PDE1A: variants seen among roughly 807,000 people sequenced by gnomAD.
The protein encoded by PDE1A is phosphodiesterase 1A.
In PDE1A, 35 loss-of-function variants were observed where a neutral mutation model predicts 61.7. That is an observed-to-expected ratio of 0.57 (90% CI 0.43 to 0.75). The LOEUF (loss-of-function observed/expected upper bound fraction) is 0.75, where lower values mean the gene tolerates loss of function less well. Among genes scored for constraint, PDE1A ranks in the 30% least tolerant of loss-of-function variants. The probability of loss-of-function intolerance (pLI) is 0.00; values close to 1 mark genes in which losing one functional copy is unlikely to be tolerated. For missense variants in PDE1A, 597 were observed against 630.6 expected, an observed-to-expected ratio of 0.95 and a Z score of 0.57; for synonymous variants, 232 against 213.2, an observed-to-expected ratio of 1.09 and a Z score of -0.77.
At chr2:182,426,428 A>T in intron 1 of PDE1A, 150 bp downstream of exon 1, 4 of 581,272 alleles carry the variant, frequency 6.9e-6, no homozygotes, top group Non-Finnish European at 1.2e-5. Context: ...ACAGAAAACA[A>T]AAAGGCTCCC....
At chr2:182,522,315 C>T (rs1323492567) in exon 2 of PDE1A, 3 of 1,613,656 alleles carry the variant, frequency 1.9e-6, no homozygotes, top group Non-Finnish European at 2.5e-6. Flanking sequence ...AGTCTGTTCT[C>T]CTGTAAGATA....
chr2:182,565,393 T>C, the PDE1A span, among the ~76,000 whole-genome samples: 1 of 152,174 alleles, frequency 6.6e-6, no homozygotes, highest in East Asian at 1.9e-4. Context: ...CAAATGCTGC[T>C]GTCTGATTGT....
chr2:182,687,360 A>G, the PDE1A span, among the ~76,000 whole-genome samples: 3 of 152,218 alleles, frequency 2.0e-5, no homozygotes, highest in Non-Finnish European at 2.9e-5. Flanking sequence ...TCAGACAGCA[A>G]CATTCGCTGT....
chr2:182,232,606 G>A (rs1412841799), intron 4 of PDE1A, among the ~76,000 whole-genome samples: 1 of 152,176 alleles, frequency 6.6e-6, no homozygotes, highest in African/African-American at 2.4e-5. Flanking sequence ...TTGCTTGTAT[G>A]TCGTTATTAA....
the PDE1A span, among the ~76,000 whole-genome samples, chr2:182,684,615 A>G: frequency 6.6e-6 from 1 of 152,128 alleles, no homozygotes; most frequent in East Asian, 1.9e-4. Flanking sequence ...CAGTGGCACA[A>G]TCTCAGCTCA....
chr2:182,472,541 A>G (rs1687093392), intron 2 of PDE1A, among the ~76,000 whole-genome samples: 1 of 151,874 alleles, frequency 6.6e-6, no homozygotes, highest in Non-Finnish European at 1.5e-5. Context: ...AATGGTGGAC[A>G]ATGAAGACTT....
chr2:182,222,651 A>T (rs906520733), intron 7 of PDE1A, among the ~76,000 whole-genome samples: 1 of 152,044 alleles, frequency 6.6e-6, no homozygotes, highest in Non-Finnish European at 1.5e-5. Flanking sequence ...AGGAGGAAGC[A>T]TATGGAACTC....
intron 2 of PDE1A, among the ~76,000 whole-genome samples, chr2:182,508,171 A>C (rs1440538411): frequency 6.6e-6 from 1 of 152,066 alleles, no homozygotes; most frequent in East Asian, 1.9e-4. Context: ...AAAATCATTC[A>C]ACAAAATTCA....
intron 6 of PDE1A, among the ~76,000 whole-genome samples, chr2:182,229,531 G>C (rs1689402458): frequency 6.6e-6 from 1 of 152,066 alleles, no homozygotes; most frequent in Non-Finnish European, 1.5e-5. Context: ...GCAAAGAAGA[G>C]GAAGGAAATT....
chr2:182,355,663 A>G (rs1699135431), intron 1 of PDE1A, among the ~76,000 whole-genome samples: 1 of 152,100 alleles, frequency 6.6e-6, no homozygotes, highest in African/African-American at 2.4e-5. Context: ...CTAATTTTCT[A>G]AAGCATTTTT....
the PDE1A span, among the ~76,000 whole-genome samples, chr2:182,605,934 T>C: frequency 6.6e-6 from 1 of 152,322 alleles, no homozygotes; most frequent in Admixed American, 6.5e-5. Flanking sequence ...ATGTCACATC[T>C]TCCAGGTCTC....
intron 1 of PDE1A, among the ~76,000 whole-genome samples, chr2:182,284,916 G>A (rs932289970): frequency 6.6e-6 from 1 of 152,094 alleles, no homozygotes; most frequent in Non-Finnish European, 1.5e-5. Context: ...GAGACACCAT[G>A]AGATTAAGTA....
intron 10 of PDE1A, among the ~76,000 whole-genome samples, chr2:182,197,767 C>G (rs780366803): frequency 4.6e-5 from 7 of 151,808 alleles, no homozygotes; most frequent in Non-Finnish European, 1.0e-4. Context: ...TTGCCTAGCC[C>G]TATGCCCTAT....
At chr2:182,295,057 C>CTTTTTTTTTTT (rs11420821) in intron 1 of PDE1A, among the ~76,000 whole-genome samples, 2,434 of 59,374 alleles carry the variant, frequency 0.041, 714 homozygotes, top group Middle Eastern at 0.062. Context: ...AAAAGGTAAT[C>CTTTTTTTTTTT]TTTTTTTTTT....
intron 1 of PDE1A, among the ~76,000 whole-genome samples, chr2:182,331,752 C>T (rs930389951): frequency 1.3e-5 from 2 of 152,148 alleles, no homozygotes; most frequent in African/African-American, 4.8e-5. Context: ...TGTGGGTAAC[C>T]CGACCTTTCT....
At chr2:182,489,057 G>A (rs1688207695) in intron 2 of PDE1A, among the ~76,000 whole-genome samples, 1 of 152,198 alleles carries the variant, frequency 6.6e-6, no homozygotes. Context: ...GACTGATATT[G>A]GGGGAGCTAT....
At chr2:182,669,839 T>C in the PDE1A span, among the ~76,000 whole-genome samples, 1 of 152,188 alleles carries the variant, frequency 6.6e-6, no homozygotes, top group South Asian at 2.1e-4. Context: ...CACCTGCGTG[T>C]GCGTTCTGAG....
intron 2 of PDE1A, among the ~76,000 whole-genome samples, chr2:182,506,148 T>A (rs187215334): frequency 1.3e-5 from 2 of 152,162 alleles, no homozygotes; most frequent in Admixed American, 6.5e-5. Flanking sequence ...TATATAAAAT[T>A]TTTCCTTTTT....
intron 1 of PDE1A, among the ~76,000 whole-genome samples, chr2:182,344,807 A>C (rs1019505174): frequency 1.3e-5 from 2 of 151,782 alleles, no homozygotes; most frequent in African/African-American, 4.8e-5. Context: ...AAAGATTTCA[A>C]AGATTTTAAG....
Sources: allele counts gnomAD v4.1 joint callset (sites outside exome capture counted in the v4.1 genomes callset), GRCh38; gene constraint gnomAD v4.1.1; transcripts MANE v1.5; gene names NCBI Gene and HGNC (gene_info 2026-07-23, HGNC 2026-07-21).